Variants in ZFHX3 observed in about 807,000 individuals in gnomAD.
ZFHX3 encodes the protein zinc finger homeobox 3.
A neutral mutation model predicts 279.1 loss-of-function variants in ZFHX3; 42 were observed. That is an observed-to-expected ratio of 0.15 (90% CI 0.12 to 0.19). The LOEUF (loss-of-function observed/expected upper bound fraction) is 0.19. Among genes scored for constraint, ZFHX3 ranks in the 10% least tolerant of loss-of-function variants. The pLI is 1.00. For missense variants in ZFHX3, 4,981 were observed against 4,754.0 expected (o/e 1.05, Z -1.40); for synonymous variants, 2,293 against 1,957.8 (o/e 1.17, Z -4.52).
intron 5 of ZFHX3, among the ~76,000 whole-genome samples, chr16:73,145,034 A>G (rs2144838910): frequency 6.6e-6 from 1 of 152,370 alleles, no homozygotes; most frequent in Admixed American, 6.5e-5. Flanking sequence ...ATTAAGGAGC[A>G]GAACTGTCTG....
At chr16:73,512,671 T>C (rs1034813164) in intron 2 of ZFHX3, among the ~76,000 whole-genome samples, 1 of 152,198 alleles carries the variant, frequency 6.6e-6, no homozygotes, top group Admixed American at 6.5e-5. Context: ...GAGCCAGTCT[T>C]AGTACCTGCC....
chr16:72,890,429 T>C (rs1442219752), intron 3 of ZFHX3, among the ~76,000 whole-genome samples: 1 of 152,136 alleles, frequency 6.6e-6, no homozygotes, highest in Admixed American at 6.5e-5. Flanking sequence ...TACCCAGTCC[T>C]AGGCAGTTCT....
chr16:73,731,591 T>G (rs2053570174), intron 1 of ZFHX3, among the ~76,000 whole-genome samples: 1 of 152,118 alleles, frequency 6.6e-6, no homozygotes, highest in Non-Finnish European at 1.5e-5. Context: ...TAGTGTTTTT[T>G]AAGCAATCAC....
At chr16:73,636,101 C>T (rs2052524974) in intron 2 of ZFHX3, among the ~76,000 whole-genome samples, 1 of 152,120 alleles carries the variant, frequency 6.6e-6, no homozygotes. Context: ...TTATCCATTC[C>T]CATATTTTCA....
chr16:72,876,104 C>G (rs1171805313), intron 4 of ZFHX3, among the ~76,000 whole-genome samples: 1 of 152,156 alleles, frequency 6.6e-6, no homozygotes, highest in Non-Finnish European at 1.5e-5. Flanking sequence ...CTATTTTTAT[C>G]CCAACTTCGC....
intron 1 of ZFHX3, among the ~76,000 whole-genome samples, chr16:72,965,778 A>G (rs1208545592): frequency 6.6e-6 from 1 of 152,258 alleles, no homozygotes; most frequent in Non-Finnish European, 1.5e-5. Flanking sequence ...AATATGTTGT[A>G]AAGCATATAC....
At chr16:72,952,990 T>C (rs954415439) in intron 2 of ZFHX3, among the ~76,000 whole-genome samples, 3 of 152,240 alleles carry the variant, frequency 2.0e-5, no homozygotes, top group African/African-American at 7.2e-5. Context: ...TTTTATTTTT[T>C]ACAACTGATT....
At position 73,105,335 on chromosome 16, in the gene ZFHX3, ACG is replaced by A. The variant is rs940941492; in HGVS notation, c.-896-11739_-896-11738del. ...TATACACACACATACACACACACACACGTGTGTATATATATATACACATATAT... is the reference window on the plus strand; with the variant it reads ...TATACACACACATACACACACACACATGTGTATATATATATACACATATAT... On this transcript the variant is annotated intron_variant, in intron 7 of 17. Coordinates refer to the ZFHX3 transcript ENST00000641206. 1.8e-4 allele frequency among the ~76,000 whole-genome samples: 24 copies of A among 133,718 alleles called. No homozygotes were observed. In the East Asian group the frequency reaches 2.0e-3, roughly 11 times the overall value. The allele number at this position is 133,718 out of a possible 152,430, so 87.7% of individuals were successfully genotyped here.
In ZFHX3 at chr16:72,958,160, C is replaced by T. The variant is rs1961356791; in HGVS notation, c.1986G>A (p.Met662Ile). 6.2e-7 allele frequency: 1 copy of T among 1,613,988 alleles called. No individual in the cohort carries two copies. Among genetic ancestry groups the T allele is most frequent in the Admixed American group, 1.7e-5 (1 of 60,030 alleles). ...GTGTCTTACACGAGTTACGAGAATG[C>T]ATCATGGTCATGTGGCCGCCCAGCG... ...SRSLGGHMTM[M>I]HSRNSCKTLK... is the part of the protein sequence containing the mutation. Residue 662 changes from methionine to isoleucine, a missense_variant, in exon 2 of 10, where the codon ATG becomes ATA. Physicochemically the swap from Met to Ile is conservative, Grantham distance 10. Around this residue, in one of 7 missense-constraint regions of ZFHX3, gnomAD observed 1,068 missense variants for 935.2 expected, o/e 1.14. Coordinates refer to ENST00000268489, the MANE Select transcript of ZFHX3 (RefSeq NM_006885.4).
chr16:73,871,890 T>TG (rs1490225070), intron 1 of ZFHX3, among the ~76,000 whole-genome samples: 1 of 152,210 alleles, frequency 6.6e-6, no homozygotes, highest in African/African-American at 2.4e-5. Context: ...GAAATGAAAC[T>TG]GGGCTTCCTC....
At chr16:73,495,739 G>A (rs548194717) in intron 2 of ZFHX3, among the ~76,000 whole-genome samples, 4 of 152,300 alleles carry the variant, frequency 2.6e-5, no homozygotes, top group African/African-American at 7.2e-5. Flanking sequence ...ACCTTGACAA[G>A]ACGCCCATTT....
intron 1 of ZFHX3, among the ~76,000 whole-genome samples, chr16:73,798,245 G>A (rs1960050045): frequency 6.6e-6 from 1 of 151,990 alleles, no homozygotes; most frequent in Non-Finnish European, 1.5e-5. Flanking sequence ...TGGAAAACAT[G>A]GTCTCTGCTG....
At chr16:73,633,472 G>T (rs1444825045) in intron 2 of ZFHX3, among the ~76,000 whole-genome samples, 1 of 152,154 alleles carries the variant, frequency 6.6e-6, no homozygotes, top group African/African-American at 2.4e-5. Context: ...CTCAGGCCGG[G>T]GTAATCTTTG....
At chr16:73,148,194 A>G (rs1018609513) in intron 5 of ZFHX3, among the ~76,000 whole-genome samples, 3 of 152,240 alleles carry the variant, frequency 2.0e-5, no homozygotes, top group Non-Finnish European at 4.4e-5. Flanking sequence ...CAGAGACAGC[A>G]TGGCTTGTGA....
chr16:73,855,613 A>G (rs951924665), intron 1 of ZFHX3, among the ~76,000 whole-genome samples: 1 of 152,246 alleles, frequency 6.6e-6, no homozygotes, highest in African/African-American at 2.4e-5. Flanking sequence ...AATTAATGCA[A>G]CTTTATAGAC....
chr16:73,105,444 C>CATATATATATATACACACACACAT (rs1567389932), intron 7 of ZFHX3, among the ~76,000 whole-genome samples: 1 of 125,512 alleles, frequency 8.0e-6, no homozygotes, highest in Non-Finnish European at 1.7e-5. Flanking sequence ...CACACACACA[C>CATATATATATATACACACACACAT]ATATATATAT....
chr16:73,424,863 T>C (rs1443082965), intron 3 of ZFHX3, among the ~76,000 whole-genome samples: 1 of 152,038 alleles, frequency 6.6e-6, no homozygotes, highest in Non-Finnish European at 1.5e-5. Context: ...TGTTTGTTTG[T>C]TTAAAGCAAA....
At chr16:73,004,159 C>CTTTT (rs3081625) in intron 1 of ZFHX3, among the ~76,000 whole-genome samples, 1,046 of 49,334 alleles carry the variant, frequency 0.021, 165 homozygotes, top group African/African-American at 0.029. Flanking sequence ...AAAAACACGA[C>CTTTT]TTTTTTTTTT....
rs182225820 is a variant in ZFHX3 at position 73,686,487 on chromosome 16, T to C, written c.-1607-6247A>G. Among the ~76,000 whole-genome samples the C allele has an allele frequency of 8.1e-4, 124 of 152,342 alleles. 2 individuals carry two copies. Among genetic ancestry groups the C allele is most frequent in the African/African-American group, 2.8e-3 (116 of 41,580 alleles). On this transcript the variant is annotated intron_variant, in intron 1 of 17. Coordinates refer to the ZFHX3 transcript ENST00000641206. ...ACACGTTTTGCAAAACTTGGACCTA[T>C]AGTCATGAAAAAACTCAACTGACCC...
Sources: allele counts gnomAD v4.1 joint callset (sites outside exome capture counted in the v4.1 genomes callset), GRCh38; gene constraint gnomAD v4.1.1; regional missense constraint gnomAD v4.1.1; transcripts MANE v1.5; gene names NCBI Gene and HGNC (gene_info 2026-07-23, HGNC 2026-07-21).